The following HRC variants were observed in gnomAD, a reference collection of about 807,000 sequenced individuals.
The protein encoded by HRC is histidine rich calcium binding protein.
HRC carries 41 observed loss-of-function variants against 61.4 expected under a neutral mutation model. The observed-to-expected ratio is 0.67, with a 90% CI of 0.52 to 0.87. HRC has a LOEUF of 0.87. Among genes scored for constraint, HRC ranks in the 40% least tolerant of loss-of-function variants. The pLI, the probability that HRC is intolerant of heterozygous loss-of-function variation, is 0.00. For synonymous variants in HRC, 308 were observed against 326.6 expected (o/e 0.94, Z 0.62); for missense variants, 839 against 885.8 (o/e 0.95, Z 0.67).
At position 49,154,482 on chromosome 19, in the gene HRC, AT is replaced by A. The variant is rs2041399445; in HGVS notation, c.755del (p.Asp252ValfsTer123). On this transcript the variant is annotated frameshift_variant, in exon 1 of 6. Transcript: ENST00000252825. LOFTEE classifies it high-confidence loss of function. ...CATCATCATCATCATCATCATCATCATCATCATCATCATCGTCATCTTCTTC... is the reference window on the plus strand; with the variant it reads ...CATCATCATCATCATCATCATCATCACATCATCATCATCGTCATCTTCTTC... The part of the protein sequence containing the change: ...GHEEDDDDDD[D>X]DDDDDDDDDV... 6.3e-7 allele frequency: 1 copy of A among 1,576,534 alleles called. No homozygotes were observed. Among genetic ancestry groups the A allele is most frequent in the Admixed American group, 1.7e-5 (1 of 58,114 alleles).
rs1310733497 is a variant in HRC at position 49,154,933 on chromosome 19, A to G, written c.305T>C (p.Leu102Pro). ...DEDVSKEYGH[L>P]LPGHRSQDHK... ...GTCTTGGGACCTGTGGCCTGGGAGT[A>G]GGTGCCCATATTCCTTGGAGACATC... The change falls in exon 1 of 6, where the codon CTA (leucine) becomes CCA (proline). Residue 102 changes from leucine (L) to proline (P), a missense_variant. Leu to Pro is a moderately conservative substitution (Grantham distance 98). Coordinates refer to ENST00000252825, the MANE Select transcript of HRC (RefSeq NM_002152.3). The G allele has an allele frequency of 6.2e-7, 1 of 1,614,136 alleles. No homozygotes were observed. The highest frequency in any genetic ancestry group is 2.2e-5 in the East Asian group (1 of 44,872).
Position 49,154,028 on chromosome 19 carries a change from C to T in HRC, c.1210G>A (p.Glu404Lys), listed in dbSNP as rs1172096927. 11 of 1,614,112 alleles carry T rather than the reference C, an allele frequency of 6.8e-6. No homozygotes were observed. Among genetic ancestry groups the T allele is most frequent in the Non-Finnish European group, 9.3e-6 (11 of 1,180,040 alleles). The change falls in exon 1 of 6, where the codon GAG (glutamate) becomes AAG (lysine). Residue 404 changes from glutamate (E) to lysine (K), a missense_variant. Transcript: ENST00000252825. ...GTTTTATACTCATCTTGGAAGTCCT[C>T]TTCATCACTCTTGTGGCCTCGAGGT... ...HQPRGHKSDE[E>K]DFQDEYKTEV...
chr19:49,153,374 T>C lies in HRC; in HGVS notation c.1831+33A>G, dbSNP rs751359540. On this transcript the variant is annotated intron_variant, in intron 1 of 5. Coordinates refer to ENST00000252825, the MANE Select transcript of HRC (RefSeq NM_002152.3). This position sits in a 1 kb window ranked among gnomAD's most constrained non-coding sequence, Gnocchi z 4.8. ...CAGCAGTGACCCAGGCTGACTCGGT[T>C]CCTTCCCACCCACACCAGCCCAGGC... The C allele has an allele frequency of 5.6e-6, 9 of 1,612,636 alleles. No individual in the cohort carries two copies. The South Asian group carries it at 9.9e-5, about 18-fold the overall frequency.
In HRC at chr19:49,151,323, T is replaced by C; in HGVS notation, c.2073A>G (p.Ala691=). 6.4e-7 allele frequency: 1 copy of C among 1,558,286 alleles called. No individual in the cohort carries two copies. The highest frequency in any genetic ancestry group is 8.7e-7 in the Non-Finnish European group (1 of 1,149,502). The change falls in exon 6 of 6, where the codon GCA becomes GCG. Residue 691 remains alanine (A), a synonymous_variant. Transcript: ENST00000252825. ...YFSSSLYQAL[A]DMLETPEP is the part of the protein sequence containing the mutation. ...AGGGTTCCGGCGTTTCCAGCATGTCTGCCAGGGCCCTGGAGACGAGAACGC... is the reference window on the plus strand; with the variant it reads ...AGGGTTCCGGCGTTTCCAGCATGTCCGCCAGGGCCCTGGAGACGAGAACGC...
chr19:49,155,181 G>T lies in HRC; in HGVS notation c.57C>A (p.Ser19Arg). ...GGGTCATGGCCGGGGGGAGGAGCAG[G>T]CTGGCCACCCCAGCCCAGAGGACAG... ...HASVLWAGVA[S>R]LLLPPAMTQQ... Residue 19 changes from serine to arginine, a missense_variant, in exon 1 of 6, where the codon AGC becomes AGA. Ser to Arg is a moderately radical substitution (Grantham distance 110, BLOSUM62 -1). Transcript: ENST00000252825. The surrounding 1 kb of genome is among the most constrained non-coding windows in gnomAD (Gnocchi z 4.7). 6.2e-7 allele frequency: 1 copy of T among 1,613,174 alleles called. No homozygotes were observed. The highest frequency in any genetic ancestry group is 8.5e-7 in the Non-Finnish European group (1 of 1,179,986).
In HRC at chr19:49,154,197, G is replaced by C; in HGVS notation, c.1041C>G (p.Gly347=). ...CCTCATCTTCTTCCTCGTCTCTGTG[G>C]CCTTGGTGCCTGTGGTCAGGGACAT... is the stretch of plus-strand genomic sequence containing the variant. ...HHHVPDHRHQ[G]HRDEEEDEDV... is the part of the protein sequence containing the mutation. The change falls in exon 1 of 6, where the codon GGC becomes GGG. Residue 347 remains glycine, a synonymous_variant. Transcript: ENST00000252825. 1 of 1,613,946 alleles carries C rather than the reference G, an allele frequency of 6.2e-7. No individual in the cohort carries two copies. The highest frequency in any genetic ancestry group is 8.5e-7 in the Non-Finnish European group (1 of 1,179,970).
intron 3 of HRC, 33 bp from the exon 4 acceptor site, chr19:49,152,091 TG>T: frequency 6.2e-7 from 1 of 1,601,568 alleles, no homozygotes; most frequent in Non-Finnish European, 8.6e-7. Flanking sequence ...AGAGTGAGCG[TG>T]GGGCGTGGCC....
intron 3 of HRC, 21 bp from the exon 4 acceptor site, chr19:49,152,079 A>AGAGAGT (rs765015791): frequency 1.2e-6 from 2 of 1,612,382 alleles, no homozygotes; most frequent in Non-Finnish European, 1.7e-6. Context: ...GGACGGGGAG[A>AGAGAGT]GAGAGTGAGC....
rs1320854874 is a variant in HRC, at chr19:49,153,178, G to C, written c.1902+83C>G. 9.7e-7 allele frequency: 1 copy of C among 1,033,392 alleles called. No individual in the cohort carries two copies. The highest frequency in any genetic ancestry group is 1.5e-6 in the Non-Finnish European group (1 of 662,580). 64.0% of individuals were successfully genotyped at this position (1,033,392 alleles called of 1,614,324 possible). On this transcript the variant is annotated intron_variant, in intron 2 of 5. Transcript: ENST00000252825. This position sits in a 1 kb window ranked among gnomAD's most constrained non-coding sequence, Gnocchi z 4.8. ...ACTGACCCTGGCCTGCCCTTGCTCTGAGCCCTCCCACAGCACCACCCCAGG... is the reference window on the plus strand; with the variant it reads ...ACTGACCCTGGCCTGCCCTTGCTCTCAGCCCTCCCACAGCACCACCCCAGG...
Position 49,153,168 on chromosome 19 carries a change from C to T in HRC, c.1902+93G>A, listed in dbSNP as rs77875930. On this transcript the variant is annotated intron_variant, in intron 2 of 5. Transcript: ENST00000252825. The surrounding 1 kb of genome is among the most constrained non-coding windows in gnomAD (Gnocchi z 4.8). ...TTCTTTCAGAACTGACCCTGGCCTG[C>T]CCTTGCTCTGAGCCCTCCCACAGCA... 7.6e-3 allele frequency: 6,828 copies of T among 900,468 alleles called. 192 individuals are homozygous for T. The highest frequency in any genetic ancestry group is 0.061 in the Admixed American group (3,190 of 51,992). The allele number at this position is 900,468 out of a possible 1,614,324, so 55.8% of individuals were successfully genotyped here.
In HRC at chr19:49,154,952, A is replaced by T. The variant is rs3745297; in HGVS notation, c.286T>A (p.Ser96Thr). The T allele has an allele frequency of 1.9e-6, 3 of 1,613,870 alleles. No homozygotes were observed. Among genetic ancestry groups the T allele is most frequent in the Non-Finnish European group, 2.5e-6 (3 of 1,179,952 alleles). The change falls in exon 1 of 6, where the codon TCC becomes ACC. Residue 96 changes from serine (S) to threonine (T), a missense_variant. Ser to Thr is a moderately conservative substitution (Grantham distance 58). Transcript: ENST00000252825. ...GGGAGTAGGTGCCCATATTCCTTGG[A>T]GACATCTTCATCCTCCTTTTCACGG... ...PDREKEDEDV[S>T]KEYGHLLPGH...
In HRC at chr19:49,154,236, A is replaced by G; in HGVS notation, c.1002T>C (p.Gly334=). The part of the protein sequence containing the change: ...HRKEEVEAVS[G]EHHHHVPDHR... ...GGTCAGGGACATGATGGTGGTGTTC[A>G]CCTGAGACAGCCTCAACCTCTTCCT... The change falls in exon 1 of 6, where the codon GGT becomes GGC. Residue 334 remains glycine, a synonymous_variant. Transcript: ENST00000252825. 6.2e-7 allele frequency: 1 copy of G among 1,611,538 alleles called. No homozygotes were observed. Among genetic ancestry groups the G allele is most frequent in the East Asian group, 2.2e-5 (1 of 44,670 alleles).
Position 49,154,869 on chromosome 19 carries a change from G to T in HRC, c.369C>A (p.Val123=), listed in dbSNP as rs760689300. 2 of 1,614,036 alleles carry T rather than the reference G, an allele frequency of 1.2e-6. No individual in the cohort carries two copies. The highest frequency in any genetic ancestry group is 3.3e-5 in the Admixed American group (2 of 60,004). The change falls in exon 1 of 6, where the codon GTC becomes GTA. Residue 123 remains valine (V), a synonymous_variant. Coordinates refer to ENST00000252825, the MANE Select transcript of HRC (RefSeq NM_002152.3). The part of the protein sequence containing the change: ...VGDEGVSGEE[V]FAEHGGQARG... The stretch of plus-strand genomic sequence containing the variant: ...GGGCCTGCCCACCATGCTCTGCAAA[G>T]ACCTCCTCACCTGAGACACCCTCAT...
chr19:49,153,722 C>T lies in HRC; in HGVS notation c.1516G>A (p.Glu506Lys), dbSNP rs1423062446. The change falls in exon 1 of 6, where the codon GAG becomes AAG. Residue 506 changes from glutamate to lysine, a missense_variant. By Grantham distance (56) the Glu-to-Lys change is moderately conservative (BLOSUM62 1). Coordinates refer to ENST00000252825, the MANE Select transcript of HRC (RefSeq NM_002152.3). The surrounding 1 kb of genome is among the most constrained non-coding windows in gnomAD (Gnocchi z 4.8). ...EEDDESSEQG[E>K]KGTHHGSRDQ... ...CGGCTGCCATGATGGGTGCCTTTCTCTCCCTGCTCTGAACTTTCATCGTCT... is the reference window on the plus strand; with the variant it reads ...CGGCTGCCATGATGGGTGCCTTTCTTTCCCTGCTCTGAACTTTCATCGTCT... The T allele has an allele frequency of 5.0e-6, 8 of 1,614,164 alleles. No homozygotes were observed. Among genetic ancestry groups the T allele is most frequent in the Non-Finnish European group, 6.8e-6 (8 of 1,180,026 alleles).
rs1360559341 is a variant in HRC, at chr19:49,153,400, C to T, written c.1831+7G>A. 6.2e-7 allele frequency: 1 copy of T among 1,613,644 alleles called. No individual in the cohort carries two copies. The highest frequency in any genetic ancestry group is 1.3e-5 in the African/African-American group (1 of 74,908). On this transcript the variant is annotated splice_region_variant and intron_variant, in intron 1 of 5. Transcript: ENST00000252825. The surrounding 1 kb of genome is among the most constrained non-coding windows in gnomAD (Gnocchi z 4.8). The stretch of plus-strand genomic sequence containing the variant: ...CCTTCCCACCCACACCAGCCCAGGC[C>T]ACTTACCTGTGTCCTCACCGCTTTC...
At position 49,153,332 on chromosome 19, in the gene HRC, C is replaced by A. The variant is rs1324956187; in HGVS notation, c.1832-1G>T. 1 of 1,613,598 alleles carries A rather than the reference C, an allele frequency of 6.2e-7. No individual in the cohort carries two copies. The highest frequency in any genetic ancestry group is 8.5e-7 in the Non-Finnish European group (1 of 1,179,562). ...CCATACTCCTGAGCATCCTGTGGAC[C>A]TGCGGGGACAGGAGGGCAGCAGTGA... On this transcript the variant is annotated splice_acceptor_variant, in intron 1 of 5. Coordinates refer to ENST00000252825, the MANE Select transcript of HRC (RefSeq NM_002152.3). LOFTEE classifies it high-confidence loss of function. The surrounding 1 kb of genome is among the most constrained non-coding windows in gnomAD (Gnocchi z 4.8).
In HRC at chr19:49,154,688, C is replaced by G; in HGVS notation, c.550G>C (p.Gly184Arg). The G allele has an allele frequency of 6.2e-7, 1 of 1,614,000 alleles. No homozygotes were observed. Among genetic ancestry groups the G allele is most frequent in the Non-Finnish European group, 8.5e-7 (1 of 1,179,980 alleles). ...HHHILRHGHR[G>R]HDGEDDEGEE... ...CCTTCATCATCTTCCCCATCATGGCCTCGGTGTCCATGCCTGAGGATATGA... is the reference window on the plus strand; with the variant it reads ...CCTTCATCATCTTCCCCATCATGGCGTCGGTGTCCATGCCTGAGGATATGA... The change falls in exon 1 of 6, where the codon GGC becomes CGC. Residue 184 changes from glycine (G) to arginine (R), a missense_variant. By Grantham distance (125) the Gly-to-Arg change is moderately radical. Coordinates refer to ENST00000252825, the MANE Select transcript of HRC (RefSeq NM_002152.3).
At chr19:49,152,206 G>A (rs756722704) in intron 3 of HRC, 104 bp downstream of exon 3, 1 of 1,265,732 alleles carries the variant, frequency 7.9e-7, no homozygotes, top group Admixed American at 1.7e-5. Context: ...TGCATCAGGG[G>A]TAAGGGGTTG....
intron 3 of HRC, 23 bp downstream of exon 3, chr19:49,152,287 T>C (rs749196428): frequency 6.2e-7 from 1 of 1,603,200 alleles, no homozygotes; most frequent in South Asian, 1.1e-5. Context: ...CAGTGGAGCC[T>C]TGAGTGTGAG....
Sources: gnomAD v4.1 joint callset for allele counts on GRCh38, gnomAD v4.1.1 for gene constraint, Gnocchi (gnomAD v3.1) non-coding constraint, MANE v1.5 for transcripts, NCBI Gene and HGNC (gene_info 2026-07-23, HGNC 2026-07-21) for gene names.